XKR6: variants seen among roughly 807,000 people sequenced by gnomAD.
The protein encoded by XKR6 is XK related 6, also known as XK-related protein 6.
Under a neutral mutation model 56.7 loss-of-function variants are expected in XKR6, and 22 were observed. The observed-to-expected ratio is 0.39, with a 90% CI of 0.28 to 0.55. XKR6 has a LOEUF of 0.55. XKR6 is among the 20% of genes least tolerant of loss of function. XKR6 has a pLI of 0.66. For missense variants in XKR6, 852 were observed against 889.0 expected (o/e 0.96, Z 0.53); for synonymous variants, 524 against 387.8 (o/e 1.35, Z -4.13).
chr8:11,010,872 TG>T (rs1473575495), intron 1 of XKR6, among the ~76,000 whole-genome samples: 2 of 150,816 alleles, frequency 1.3e-5, no homozygotes, highest in African/African-American at 4.9e-5. Context: ...GTGGTATGAG[TG>T]GGGCTGAAGA....
chr8:11,112,519 T>A (rs1798951878), intron 1 of XKR6, among the ~76,000 whole-genome samples: 2 of 152,220 alleles, frequency 1.3e-5, no homozygotes, highest in Admixed American at 1.3e-4. Flanking sequence ...GTGAGCTGTA[T>A]GAATAAAACA....
intron 1 of XKR6, among the ~76,000 whole-genome samples, chr8:10,992,598 T>G (rs979735937): frequency 1.3e-5 from 2 of 152,230 alleles, no homozygotes; most frequent in Non-Finnish European, 2.9e-5. Flanking sequence ...TAATCCCTCT[T>G]GTTCTTATCA....
Position 11,019,025 on chromosome 8 carries a change from C to A in XKR6, c.765-94195G>T, listed in dbSNP as rs1004159329. Reference sequence around the variant, plus strand: ...CAGCCTTCATCCTCAGGCCCCCTCACCCACTCCCCCAGTTAAAATTTCACT... The same window carrying A: ...CAGCCTTCATCCTCAGGCCCCCTCAACCACTCCCCCAGTTAAAATTTCACT... On this transcript the variant is annotated intron_variant, in intron 1 of 2. Transcript: ENST00000416569. Among the ~76,000 whole-genome samples, 100 of 152,216 alleles carry A rather than the reference C, an allele frequency of 6.6e-4. 1 individual carries two copies. Among genetic ancestry groups the A allele is most frequent in the African/African-American group, 2.3e-3 (96 of 41,454 alleles).
Position 10,988,959 on chromosome 8 carries a change from C to T in XKR6, c.765-64129G>A, listed in dbSNP as rs117682469. The stretch of plus-strand genomic sequence containing the variant: ...CACAGCAAAAGGCAGAGGACAGTAT[C>T]CTGGACACATAAAATACTTGCTTGA... On this transcript the variant is annotated intron_variant, in intron 1 of 2. Transcript: ENST00000416569. 8.9e-3 allele frequency among the ~76,000 whole-genome samples: 1,349 copies of T among 152,338 alleles called. 16 individuals are homozygous for T. Among genetic ancestry groups the T allele is most frequent in the Non-Finnish European group, 0.012 (836 of 68,028 alleles).
intron 1 of XKR6, among the ~76,000 whole-genome samples, chr8:10,939,126 T>C (rs1171727720): frequency 6.6e-6 from 1 of 152,076 alleles, no homozygotes; most frequent in East Asian, 1.9e-4. Context: ...AAACCCTGGA[T>C]GGAAAGGCCC....
Position 10,983,385 on chromosome 8 carries a change from G to A in XKR6, c.765-58555C>T, listed in dbSNP as rs865980264. ...TAAAGGAAGCCTGCAAGGCCTATTT[G>A]CTCCATTCTGTAAAGATCAATTTGT... On this transcript the variant is annotated intron_variant, in intron 1 of 2. Transcript: ENST00000416569. Among the ~76,000 whole-genome samples the A allele has an allele frequency of 6.6e-5, 10 of 152,194 alleles. No individual in the cohort carries two copies. The South Asian group carries it at 1.7e-3, about 25-fold the overall frequency.
At chr8:10,957,097 C>A (rs555397912) in intron 1 of XKR6, among the ~76,000 whole-genome samples, 5 of 152,234 alleles carry the variant, frequency 3.3e-5, no homozygotes, top group Non-Finnish European at 4.4e-5. Context: ...ATTACAGGCA[C>A]GTGCCACCAT....
At chr8:11,138,983 T>C (rs1462018727) in intron 1 of XKR6, among the ~76,000 whole-genome samples, 1 of 151,924 alleles carries the variant, frequency 6.6e-6, no homozygotes, top group Admixed American at 6.6e-5. Context: ...TTCACTAATA[T>C]ATAGTTAGCT....
At position 11,077,905 on chromosome 8, in the gene XKR6, C is replaced by T. The variant is rs1018407068; in HGVS notation, c.764+122671G>A. Among the ~76,000 whole-genome samples, 14 of 152,232 alleles carry T rather than the reference C, an allele frequency of 9.2e-5. No individual in the cohort carries two copies. In the South Asian group the frequency reaches 1.0e-3, roughly 11 times the overall value. Reference sequence around the variant, plus strand: ...GGATCCACAGAAGAGAGGCTCAATCCGGGAGCAGCCTCCCGGTGTCTACCT... The same window carrying T: ...GGATCCACAGAAGAGAGGCTCAATCTGGGAGCAGCCTCCCGGTGTCTACCT... On this transcript the variant is annotated intron_variant, in intron 1 of 2. Coordinates refer to ENST00000416569, the MANE Select transcript of XKR6 (RefSeq NM_173683.4).
chr8:10,980,475 C>T (rs1436116951), intron 1 of XKR6, among the ~76,000 whole-genome samples: 1 of 152,180 alleles, frequency 6.6e-6, no homozygotes, highest in Non-Finnish European at 1.5e-5. Context: ...GACAGGGATG[C>T]TCATTCATTG....
chr8:10,918,242 G>A (rs1003882651), intron 2 of XKR6, among the ~76,000 whole-genome samples: 1 of 152,202 alleles, frequency 6.6e-6, no homozygotes, highest in African/African-American at 2.4e-5. Context: ...CTCCTGGCCA[G>A]GCCAAGCTTA....
chr8:10,980,660 C>T (rs946654729), intron 1 of XKR6, among the ~76,000 whole-genome samples: 1 of 152,160 alleles, frequency 6.6e-6, no homozygotes, highest in Non-Finnish European at 1.5e-5. Flanking sequence ...ATTATGATCT[C>T]TGTCTATCTG....
chr8:11,032,536 A>AT (rs1799016900), intron 1 of XKR6, among the ~76,000 whole-genome samples: 1 of 152,188 alleles, frequency 6.6e-6, no homozygotes, highest in Non-Finnish European at 1.5e-5. Context: ...CATGAAAAAA[A>AT]TGTTGGCCTG....
intron 1 of XKR6, among the ~76,000 whole-genome samples, chr8:10,966,015 A>T (rs1326060245): frequency 1.3e-5 from 2 of 152,194 alleles, no homozygotes; most frequent in African/African-American, 2.4e-5. Context: ...TCTGAGGTGC[A>T]ACCATGCCAG....
At position 10,896,083 on chromosome 8, in the gene XKR6, TTA is replaced by T. The variant is rs35728440; in HGVS notation, c.*1867_*1868del. ...ATTTACTTAAAAATATTGTGTGTGT[TTA>T]TATATATATATATATATATACTTAT... is the stretch of plus-strand genomic sequence containing the variant. On this transcript the variant is annotated 3_prime_UTR_variant, in exon 3 of 3. Transcript: ENST00000416569. 147 of 141,164 alleles carry T rather than the reference TTA, an allele frequency of 1.0e-3. 2 individuals are homozygous for T. Among genetic ancestry groups the T allele is most frequent in the Middle Eastern group, 3.8e-3 (1 of 266 alleles). The allele number at this position is 141,164 out of a possible 1,614,324, so 8.7% of individuals were successfully genotyped here.
chr8:11,137,574 AG>A, intron 1 of XKR6: 1 of 456,184 alleles, frequency 2.2e-6, no homozygotes, highest in Non-Finnish European at 4.4e-6. Context: ...AAAAGACAGC[AG>A]GGAGAAGTTC....
intron 2 of XKR6, among the ~76,000 whole-genome samples, chr8:10,908,328 G>A (rs1005701433): frequency 4.0e-5 from 6 of 151,898 alleles, no homozygotes; most frequent in Non-Finnish European, 8.8e-5. Context: ...AGTCACCCCA[G>A]GTAAAAGCTA....
rs188895526 is a variant in XKR6, at chr8:10,909,123, G to A, written c.962-10207C>T. 1.2e-3 allele frequency among the ~76,000 whole-genome samples: 186 copies of A among 151,414 alleles called. 1 individual carries two copies. The highest frequency in any genetic ancestry group is 3.2e-3 in the Admixed American group (49 of 15,188). ...GGAGGTTGCAGTGAGCTGAGATTGC[G>A]CCACTGCACTCCAGCCTGGATGACA... On this transcript the variant is annotated intron_variant, in intron 2 of 2. Coordinates refer to ENST00000416569, the MANE Select transcript of XKR6 (RefSeq NM_173683.4).
intron 1 of XKR6, among the ~76,000 whole-genome samples, chr8:10,960,448 T>A (rs141687812): frequency 8.5e-4 from 129 of 152,268 alleles, no homozygotes; most frequent in African/African-American, 2.7e-3. Flanking sequence ...GGGAGGAAAA[T>A]GATTAAAGTA....
Sources: gnomAD v4.1 joint callset for allele counts (sites outside exome capture counted in the v4.1 genomes callset) on GRCh38, gnomAD v4.1.1 for gene constraint, MANE v1.5 for transcripts, NCBI Gene and HGNC (gene_info 2026-07-23, HGNC 2026-07-21) for gene names.